Variants in DPP6 observed in about 807,000 individuals in gnomAD.
DPP6 encodes the protein A-type potassium channel modulatory protein DPP6.
DPP6 carries 69 observed loss-of-function variants against 122.6 expected under a neutral mutation model. That is an observed-to-expected ratio of 0.56 (90% CI 0.46 to 0.69). The LOEUF is 0.69. Ranked by LOEUF, DPP6 falls within the 30% of genes least tolerant of loss-of-function variation. The pLI, the probability that DPP6 is intolerant of heterozygous loss-of-function variation, is 0.00. For missense variants in DPP6, 928 were observed against 1,116.9 expected (o/e 0.83, Z 2.41); for synonymous variants, 418 against 433.1 (o/e 0.97, Z 0.43).
intron 1 of DPP6, among the ~76,000 whole-genome samples, chr7:154,365,759 C>G (rs1018704913): frequency 8.5e-5 from 13 of 152,104 alleles, no homozygotes; most frequent in African/African-American, 2.7e-4. Flanking sequence ...CGAGACCATC[C>G]TGACTAACAC....
intron 3 of DPP6, among the ~76,000 whole-genome samples, chr7:154,480,282 A>G (rs1305448435): frequency 6.6e-6 from 1 of 152,074 alleles, no homozygotes; most frequent in Admixed American, 6.6e-5. Context: ...AGCCTGAAGC[A>G]GTCTTCTATC....
chr7:154,478,932 AAG>A (rs1422771848), intron 3 of DPP6, among the ~76,000 whole-genome samples: 1 of 148,380 alleles, frequency 6.7e-6, no homozygotes, highest in Non-Finnish European at 1.5e-5. Context: ...TCTACAGAGG[AAG>A]AGACTTGATT....
chr7:154,172,814 T>A (rs757331961), intron 1 of DPP6, among the ~76,000 whole-genome samples: 12 of 152,236 alleles, frequency 7.9e-5, no homozygotes, highest in Non-Finnish European at 1.5e-4. Flanking sequence ...TTGGCCAGGC[T>A]GGTCTTGAAC....
At position 154,801,370 on chromosome 7, in the gene DPP6, T is replaced by C. The variant is rs1182512490; in HGVS notation, c.1315T>C (p.Phe439Leu). Residue 439 changes from phenylalanine (F) to leucine (L), a missense_variant, in exon 13 of 26, where the codon TTC (phenylalanine) becomes CTC (leucine). Coordinates refer to ENST00000377770, the MANE Select transcript of DPP6 (RefSeq NM_130797.4). ...WLHRQNEEPV[F>L]SKDGRKFFFI... The stretch of plus-strand genomic sequence containing the variant: ...TTGTCCACAGAATGAAGAACCTGTG[T>C]TCTCCAAGGATGGCCGAAAGTTTTT... 6.9e-6 allele frequency: 11 copies of C among 1,589,428 alleles called. No homozygotes were observed. The Admixed American group carries it at 1.9e-4, about 28-fold the overall frequency.
intron 1 of DPP6, among the ~76,000 whole-genome samples, chr7:154,213,571 G>A (rs1053406907): frequency 6.6e-5 from 10 of 152,148 alleles, no homozygotes; most frequent in Admixed American, 2.0e-4. Context: ...AAGAAGCCTC[G>A]CACACAGAGC....
intron 1 of DPP6, chr7:154,027,119 G>A (rs1585196629): frequency 6.7e-6 from 1 of 148,240 alleles, no homozygotes; most frequent in East Asian, 2.0e-4. Flanking sequence ...TGATCAGGGA[G>A]TTCTAAAGGA....
chr7:154,789,814 C>T (rs545857488), intron 10 of DPP6, among the ~76,000 whole-genome samples: 25 of 152,308 alleles, frequency 1.6e-4, no homozygotes, highest in African/African-American at 6.0e-4. Context: ...CTACCTTGTC[C>T]CCAGAAAGCT....
chr7:154,189,482 T>C (rs561801873), intron 1 of DPP6, among the ~76,000 whole-genome samples: 3 of 152,328 alleles, frequency 2.0e-5, no homozygotes, highest in Admixed American at 6.5e-5. Context: ...AGGTGGCTGA[T>C]AACTGTCATG....
chr7:154,064,212 G>A (rs895996397), intron 1 of DPP6, among the ~76,000 whole-genome samples: 17 of 152,272 alleles, frequency 1.1e-4, no homozygotes, highest in African/African-American at 4.1e-4. Context: ...CCACACAGCA[G>A]CACCTCCTGG....
chr7:154,867,680 A>G (rs1002830848), intron 17 of DPP6, among the ~76,000 whole-genome samples: 2 of 152,236 alleles, frequency 1.3e-5, no homozygotes, highest in Non-Finnish European at 2.9e-5. Flanking sequence ...ACCAGCAGTC[A>G]TGGGAAGAAT....
At position 154,624,848 on chromosome 7, in the gene DPP6, G is replaced by C. The variant is rs557158237; in HGVS notation, c.628-12973G>C. ...ATGCTAACAGAAGCAGGCACACAGC[G>C]GCCCCGTCTTCCTCCCATCTGTGAG... On this transcript the variant is annotated intron_variant, in intron 5 of 25. Transcript: ENST00000377770. The surrounding 1 kb of genome is among the most constrained non-coding windows in gnomAD (Gnocchi z 4.7). Among the ~76,000 whole-genome samples, 14 of 152,148 alleles carry C rather than the reference G, an allele frequency of 9.2e-5. No homozygotes were observed. The East Asian group carries it at 2.7e-3, about 29-fold the overall frequency.
At chr7:154,388,740 G>A (rs149841704) in intron 1 of DPP6, among the ~76,000 whole-genome samples, 5 of 152,254 alleles carry the variant, frequency 3.3e-5, no homozygotes, top group South Asian at 2.1e-4. Context: ...GGTGGTTTGG[G>A]GTGGAGCGTT....
intron 1 of DPP6, among the ~76,000 whole-genome samples, chr7:154,236,896 C>A (rs1372514321): frequency 6.6e-6 from 1 of 152,118 alleles, no homozygotes; most frequent in African/African-American, 2.4e-5. Context: ...TGGAGGGTTT[C>A]CCCGGTGCTC....
At chr7:153,986,041 G>GA (rs1451753706) in intron 1 of DPP6, among the ~76,000 whole-genome samples, 1 of 152,134 alleles carries the variant, frequency 6.6e-6, no homozygotes, top group Non-Finnish European at 1.5e-5. Context: ...AAATGTCTTT[G>GA]ATAAGATCAG....
intron 1 of DPP6, among the ~76,000 whole-genome samples, chr7:154,145,173 G>T (rs1183151347): frequency 6.6e-6 from 1 of 152,178 alleles, no homozygotes; most frequent in African/African-American, 2.4e-5. Context: ...GATAATCTGG[G>T]TGGGCCTATT....
intron 7 of DPP6, among the ~76,000 whole-genome samples, chr7:154,717,487 A>G (rs1408741874): frequency 1.3e-5 from 2 of 152,154 alleles, no homozygotes; most frequent in Non-Finnish European, 2.9e-5. Context: ...GAGTGAGACT[A>G]TGTGACATTT....
intron 3 of DPP6, among the ~76,000 whole-genome samples, chr7:154,478,553 CAT>C (rs150025350): frequency 0.039 from 5,824 of 150,046 alleles, 208 homozygotes; most frequent in African/African-American, 0.084. Flanking sequence ...GATCTATATA[CAT>C]ATATATATAT....
chr7:154,809,626 G>A (rs1798919204), intron 16 of DPP6, among the ~76,000 whole-genome samples: 1 of 152,182 alleles, frequency 6.6e-6, no homozygotes, highest in African/African-American at 2.4e-5. Flanking sequence ...GCATAGAATG[G>A]GAAAAGAAAG....
chr7:154,427,143 A>G (rs979220288), intron 1 of DPP6, among the ~76,000 whole-genome samples: 8 of 152,206 alleles, frequency 5.3e-5, no homozygotes, highest in Admixed American at 5.2e-4. Context: ...TGATGTTTTT[A>G]GTTTTCTGCT....
Sources: gnomAD v4.1 joint callset for allele counts (sites outside exome capture counted in the v4.1 genomes callset) on GRCh38, gnomAD v4.1.1 for gene constraint, Gnocchi (gnomAD v3.1) non-coding constraint, MANE v1.5 for transcripts, NCBI Gene and HGNC (gene_info 2026-07-23, HGNC 2026-07-21) for gene names.